NCOA3: variants seen among roughly 807,000 people sequenced by gnomAD.
NCOA3 encodes CBP-interacting protein.
In NCOA3, 51 loss-of-function variants were observed where a neutral mutation model predicts 158.8. The observed-to-expected ratio is 0.32, with a 90% confidence interval of 0.26 to 0.41. The LOEUF (loss-of-function observed/expected upper bound fraction) is 0.41, where lower values mean the gene tolerates loss of function less well. Ranked by LOEUF, NCOA3 falls within the 10% of genes least tolerant of loss-of-function variation. NCOA3 has a pLI of 1.00. For synonymous variants in NCOA3, 537 were observed against 592.4 expected (o/e 0.91, Z 1.36); for missense variants, 1,510 against 1,746.6 (o/e 0.86, Z 2.41).
intron 1 of NCOA3, among the ~76,000 whole-genome samples, chr20:47,511,842 T>C (rs2084147129): frequency 6.6e-6 from 1 of 151,956 alleles, no homozygotes; most frequent in South Asian, 2.1e-4. Flanking sequence ...CACATGGACA[T>C]ATTGTGTGGA....
At chr20:47,520,511 G>T (rs371253860) in intron 1 of NCOA3, among the ~76,000 whole-genome samples, 1 of 152,340 alleles carries the variant, frequency 6.6e-6, no homozygotes, top group East Asian at 1.9e-4. Flanking sequence ...GGAGGTTTGT[G>T]TGAGGTTCAA....
At chr20:47,542,215 T>C (rs2084755657) in intron 1 of NCOA3, among the ~76,000 whole-genome samples, 1 of 151,412 alleles carries the variant, frequency 6.6e-6, no homozygotes, top group Non-Finnish European at 1.5e-5. Flanking sequence ...TTTTTTTTTT[T>C]TTTGGTGGAA....
At chr20:47,637,347 A>G (rs559731266) in intron 12 of NCOA3, among the ~76,000 whole-genome samples, 1 of 152,116 alleles carries the variant, frequency 6.6e-6, no homozygotes, top group Admixed American at 6.5e-5. Flanking sequence ...TCTGTTAGCT[A>G]ATTATCAATG....
chr20:47,559,395 G>C (rs1287898934), intron 1 of NCOA3, among the ~76,000 whole-genome samples: 2 of 152,090 alleles, frequency 1.3e-5, no homozygotes, highest in African/African-American at 2.4e-5. Context: ...TTTGGAGCAG[G>C]GGAGGGAGGT....
At position 47,653,491 on chromosome 20, in the gene NCOA3, A is replaced by G. The variant is rs1482927503; in HGVS notation, c.*74A>G. ...GCACTAGGATTATTGGGAAGGAATC[A>G]TTGTTCCAGGCATCCATCTTGGAAG... On this transcript the variant is annotated 3_prime_UTR_variant, in exon 23 of 23. Coordinates refer to ENST00000371998, the MANE Select transcript of NCOA3 (RefSeq NM_181659.3). 2 of 1,521,860 alleles carry G rather than the reference A, an allele frequency of 1.3e-6. No individual in the cohort carries two copies. Among genetic ancestry groups the G allele is most frequent in the Non-Finnish European group, 1.8e-6 (2 of 1,110,286 alleles). 94.3% of individuals were successfully genotyped at this position (1,521,860 alleles called of 1,614,324 possible).
chr20:47,641,490 CTTTTTTTTTTTTTTT>C (rs71183270), intron 16 of NCOA3, among the ~76,000 whole-genome samples: 10 of 48,366 alleles, frequency 2.1e-4, no homozygotes, highest in East Asian at 5.5e-4. Context: ...TGGCTCCCTT[CTTTTTTTTTTTTTTT>C]TTTTTTTTTT....
chr20:47,594,788 A>ATTTT lies in NCOA3; in HGVS notation c.-20+11545_-20+11548dup, dbSNP rs768342979. The stretch of plus-strand genomic sequence containing the variant: ...AAGGCTGAGGTGGGCAGAATACCTG[A>ATTTT]TTTTTTTTTTTTTTTTTTTTTGGAG... On this transcript the variant is annotated intron_variant, in intron 2 of 22. Coordinates refer to ENST00000371998, the MANE Select transcript of NCOA3 (RefSeq NM_181659.3). 5.2e-3 allele frequency among the ~76,000 whole-genome samples: 528 copies of ATTTT among 102,436 alleles called. 31 individuals carry two copies. Among genetic ancestry groups the ATTTT allele is most frequent in the African/African-American group, 0.019 (499 of 26,468 alleles). The allele number at this position is 102,436 out of a possible 152,430, so 67.2% of individuals were successfully genotyped here. A position where few individuals can be genotyped will look rare whatever the true frequency, so the allele number is the denominator to read the frequency against.
At chr20:47,551,106 A>G (rs1459041163) in intron 1 of NCOA3, among the ~76,000 whole-genome samples, 1 of 152,168 alleles carries the variant, frequency 6.6e-6, no homozygotes, top group Admixed American at 6.5e-5. Flanking sequence ...TTTCAGGAGA[A>G]AGGAAGAGTT....
At chr20:47,600,110 T>TTGTGTGTGTGTGTGTGTG (rs11472351) in intron 2 of NCOA3, among the ~76,000 whole-genome samples, 21 of 143,034 alleles carry the variant, frequency 1.5e-4, no homozygotes, top group African/African-American at 5.2e-4. Context: ...CTCACTTCCT[T>TTGTGTGTGTGTGTGTGTG]TGTGTGTGTG....
At chr20:47,560,384 C>T (rs1262523767) in intron 1 of NCOA3, among the ~76,000 whole-genome samples, 6 of 152,196 alleles carry the variant, frequency 3.9e-5, no homozygotes, top group Non-Finnish European at 5.9e-5. Context: ...GCCATGAGGA[C>T]GTGCTTTCAA....
rs1399582337 is a variant in NCOA3, at chr20:47,642,197, G to T, written c.3081-16G>T. ...AAAAAAAGCACCATTGACATTGATT[G>T]CAAGTCTTTTTCTAGGCCTCTTCTT... On this transcript the variant is annotated splice_polypyrimidine_tract_variant and intron_variant, in intron 16 of 22. Coordinates refer to ENST00000371998, the MANE Select transcript of NCOA3 (RefSeq NM_181659.3). The T allele has an allele frequency of 1.9e-6, 3 of 1,541,542 alleles. No individual in the cohort carries two copies. Among genetic ancestry groups the T allele is most frequent in the Non-Finnish European group, 2.6e-6 (3 of 1,149,766 alleles).
intron 1 of NCOA3, among the ~76,000 whole-genome samples, chr20:47,580,154 T>C (rs1482506600): frequency 6.6e-6 from 1 of 152,106 alleles, no homozygotes; most frequent in Non-Finnish European, 1.5e-5. Flanking sequence ...CTTTGAGAAG[T>C]ACGAAGACCA....
At chr20:47,548,483 G>A (rs2084870066) in intron 1 of NCOA3, among the ~76,000 whole-genome samples, 1 of 152,000 alleles carries the variant, frequency 6.6e-6, no homozygotes, top group Non-Finnish European at 1.5e-5. Flanking sequence ...GGCAGAGGTT[G>A]GAGTGAGCTG....
At chr20:47,527,908 T>G (rs1010926821) in intron 1 of NCOA3, among the ~76,000 whole-genome samples, 1 of 152,192 alleles carries the variant, frequency 6.6e-6, no homozygotes, top group Non-Finnish European at 1.5e-5. Flanking sequence ...CCTTTTCCTT[T>G]CCTTTTTCTT....
intron 2 of NCOA3, among the ~76,000 whole-genome samples, chr20:47,588,197 C>T (rs779385563): frequency 1.4e-4 from 17 of 119,854 alleles, no homozygotes; most frequent in South Asian, 1.1e-3. Context: ...TGCAGTGGTG[C>T]GACCTTGGCT....
In NCOA3 at chr20:47,600,171, T is replaced by TATA. The variant is rs374515592; in HGVS notation, c.-20+16910_-20+16911insATA. ...ATTTTATATATTTTATATATATATA[T>TATA]TTTTTTATTTTTATTTTTTTTGAGA... On this transcript the variant is annotated intron_variant, in intron 2 of 22. Coordinates refer to ENST00000371998, the MANE Select transcript of NCOA3 (RefSeq NM_181659.3). Among the ~76,000 whole-genome samples the TATA allele has an allele frequency of 2.9e-3, 412 of 141,950 alleles. 9 individuals carry two copies. The East Asian group carries it at 0.054, about 19-fold the overall frequency. The allele number at this position is 141,950 out of a possible 152,430, so 93.1% of individuals were successfully genotyped here. A position where few individuals can be genotyped will look rare whatever the true frequency, so the allele number is the denominator to read the frequency against.
chr20:47,560,161 C>T (rs1444473285), intron 1 of NCOA3, among the ~76,000 whole-genome samples: 1 of 152,010 alleles, frequency 6.6e-6, no homozygotes, highest in Non-Finnish European at 1.5e-5. Context: ...CTCACTGCAA[C>T]CTTTGTCTCC....
At chr20:47,582,875 A>G (rs906935535) in intron 1 of NCOA3, among the ~76,000 whole-genome samples, 1 of 152,144 alleles carries the variant, frequency 6.6e-6, no homozygotes, top group East Asian at 1.9e-4. Context: ...GGTCACTGCA[A>G]CCTCTGCCTC....
intron 2 of NCOA3, among the ~76,000 whole-genome samples, chr20:47,617,945 C>G (rs980781708): frequency 1.5e-4 from 23 of 151,992 alleles, no homozygotes; most frequent in African/African-American, 5.6e-4. Flanking sequence ...CCTAAAAAAC[C>G]CAAGATAGAG....
Sources: gnomAD v4.1 joint callset for allele counts (sites outside exome capture counted in the v4.1 genomes callset) on GRCh38, gnomAD v4.1.1 for gene constraint, MANE v1.5 for transcripts, NCBI Gene and HGNC (gene_info 2026-07-23, HGNC 2026-07-21) for gene names.